The following CSF3R variants were observed in gnomAD, a reference collection of about 807,000 sequenced individuals.
The protein encoded by CSF3R is granulocyte colony-stimulating factor receptor.
Under a neutral mutation model 84.4 loss-of-function variants are expected in CSF3R, and 52 were observed. The observed-to-expected ratio is 0.62, with a 90% confidence interval of 0.49 to 0.78. The LOEUF is 0.78. Among genes scored for constraint, CSF3R ranks in the 30% least tolerant of loss-of-function variants. The pLI, the probability that CSF3R is intolerant of heterozygous loss-of-function variation, is 0.00. For missense variants in CSF3R, 890 were observed against 1,055.7 expected (o/e 0.84, Z 2.17); for synonymous variants, 384 against 429.1 (o/e 0.89, Z 1.30).
At chr1:36,476,196 A>G (rs1651139490) in intron 3 of CSF3R, 1 of 154,800 alleles carries the variant, frequency 6.5e-6, no homozygotes, top group African/African-American at 2.4e-5. Context: ...TCAATGGCAC[A>G]TTATTGCTCT....
intron 12 of CSF3R, chr1:36,468,955 C>G (rs933222779): frequency 1.5e-5 from 9 of 587,626 alleles, no homozygotes; most frequent in Non-Finnish European, 2.8e-5. Context: ...TGCCAACTCC[C>G]TACTCAATTT....
chr1:36,476,160 T>G, intron 3 of CSF3R: 1 of 156,984 alleles, frequency 6.4e-6, no homozygotes, highest in Non-Finnish European at 1.4e-5. Flanking sequence ...AATCTGATTC[T>G]GCTACCCCAT....
In CSF3R at chr1:36,475,446, AG is replaced by A; in HGVS notation, c.291del (p.Leu99SerfsTer5). 1.9e-6 allele frequency: 3 copies of A among 1,614,182 alleles called. No individual in the cohort carries two copies. In the South Asian group the frequency reaches 3.3e-5, roughly 18 times the overall value. On this transcript the variant is annotated frameshift_variant, in exon 4 of 17. Transcript: ENST00000373106. LOFTEE classifies it high-confidence loss of function. The stretch of plus-strand genomic sequence containing the variant: ...CCCCAGTTCAGGCAGCAGGAGAGAA[AG>A]GCCTGAGTGTGGTTGAGGTGGGGCA... ...ITLPHLNHTQ[A>X]FLSCCLNWGN...
chr1:36,472,806 C>G lies in CSF3R; in HGVS notation c.674-120G>C. 1 of 1,221,492 alleles carries G rather than the reference C, an allele frequency of 8.2e-7. No individual in the cohort carries two copies. Among genetic ancestry groups the G allele is most frequent in the Non-Finnish European group, 1.1e-6 (1 of 898,576 alleles). 75.7% of individuals were successfully genotyped at this position (1,221,492 alleles called of 1,614,324 possible). On this transcript the variant is annotated intron_variant, in intron 6 of 16. Coordinates refer to ENST00000373106, the MANE Select transcript of CSF3R (RefSeq NM_000760.4). The surrounding 1 kb of genome is among the most constrained non-coding windows in gnomAD (Gnocchi z 5.0). Reference sequence around the variant, plus strand: ...TGTCCACGTTGCCAATGACACGTTTCTGTGGTTCGATCTCTATGTGTCTTT... The same window carrying G: ...TGTCCACGTTGCCAATGACACGTTTGTGTGGTTCGATCTCTATGTGTCTTT...
Position 36,469,807 on chromosome 1 carries a change from C to T in CSF3R, c.1319G>A (p.Arg440Gln), listed in dbSNP as rs3918020. Reference protein sequence around the residue: ...PALTRLHAMARDPHSLWVGWE... With the variant: ...PALTRLHAMAQDPHSLWVGWE... ...GCCTACCCAGAGGCTGTGAGGGTCTCGGGCCATGGCATGGAGTCTGGTCAG... is the reference window on the plus strand; with the variant it reads ...GCCTACCCAGAGGCTGTGAGGGTCTTGGGCCATGGCATGGAGTCTGGTCAG... The change falls in exon 11 of 17, where the codon CGA becomes CAA. Residue 440 changes from arginine (R) to glutamine (Q), a missense_variant. By Grantham distance (43) the Arg-to-Gln change is conservative. Transcript: ENST00000373106. 4.7e-3 allele frequency: 7,589 copies of T among 1,614,090 alleles called. 29 individuals are homozygous for T. Among genetic ancestry groups the T allele is most frequent in the Admixed American group, 6.0e-3 (359 of 60,026 alleles).
intron 3 of CSF3R, among the ~76,000 whole-genome samples, chr1:36,478,703 A>C (rs993526639): frequency 8.6e-5 from 13 of 151,786 alleles, no homozygotes; most frequent in Non-Finnish European, 1.6e-4. Flanking sequence ...ACAACAACAA[A>C]AAAAAATTAG....
chr1:36,479,740 A>G, intron 2 of CSF3R, among the ~76,000 whole-genome samples: 1 of 152,222 alleles, frequency 6.6e-6, no homozygotes, highest in Non-Finnish European at 1.5e-5. Context: ...ATAGGAAATG[A>G]CAGTGACAGC....
chr1:36,475,598 A>T lies in CSF3R; in HGVS notation c.140T>A (p.Ile47Asn). The change falls in exon 4 of 17, where the codon ATC becomes AAC. Residue 47 changes from isoleucine (I) to asparagine (N), a missense_variant. Ile to Asn is a moderately radical substitution (Grantham distance 149). Coordinates refer to ENST00000373106, the MANE Select transcript of CSF3R (RefSeq NM_000760.4). ...HLGDPITASC[I>N]IKQNCSHLDP... ...CAGATGGCTGCAGTTCTGCTTGATG[A>T]TGCAGGAGGCTGTGATGGGATCCCC... 2 of 1,609,668 alleles carry T rather than the reference A, an allele frequency of 1.2e-6. No homozygotes were observed. Among genetic ancestry groups the T allele is most frequent in the South Asian group, 2.2e-5 (2 of 91,022 alleles).
At position 36,467,694 on chromosome 1, in the gene CSF3R, G is replaced by A. The variant is rs1392687915; in HGVS notation, c.1865-43C>T. 1 of 1,611,808 alleles carries A rather than the reference G, an allele frequency of 6.2e-7. No individual in the cohort carries two copies. Among genetic ancestry groups the A allele is most frequent in the African/African-American group, 1.3e-5 (1 of 74,866 alleles). On this transcript the variant is annotated intron_variant, in intron 14 of 16. Coordinates refer to ENST00000373106, the MANE Select transcript of CSF3R (RefSeq NM_000760.4). The surrounding 1 kb of genome is among the most constrained non-coding windows in gnomAD (Gnocchi z 4.1). ...CCGGAAGAAGTTAGAATGCATGTTG[G>A]GAAGGCTGGGTCTCCTCCCTCCGAC...
rs1650358778 is a variant in CSF3R, at chr1:36,466,893, G to A, written c.2041-66C>T. 6.2e-7 allele frequency: 1 copy of A among 1,613,994 alleles called. No homozygotes were observed. The stretch of plus-strand genomic sequence containing the variant: ...GATGTCTGCCCCAGCCACTGTCCCT[G>A]TCTGGGTCCGGGCAGCTGTGGGGAC... On this transcript the variant is annotated intron_variant, in intron 16 of 16. Coordinates refer to ENST00000373106, the MANE Select transcript of CSF3R (RefSeq NM_000760.4). The surrounding 1 kb of genome is among the most constrained non-coding windows in gnomAD (Gnocchi z 4.6).
In CSF3R at chr1:36,481,554, A is replaced by G. The variant is rs1288698209; in HGVS notation, c.-80-17T>C. ...TTTCCCCATCTGTGGGAAAGAAATA[A>G]CATTAGCACTCACTCCTCAGCGTTG... On this transcript the variant is annotated splice_polypyrimidine_tract_variant and intron_variant, in intron 1 of 16. Transcript: ENST00000373106. The G allele has an allele frequency of 6.6e-6, 1 of 152,220 alleles. No individual in the cohort carries two copies. The highest frequency in any genetic ancestry group is 2.4e-5 in the African/African-American group (1 of 41,440). 9.4% of individuals were successfully genotyped at this position (152,220 alleles called of 1,614,324 possible).
At chr1:36,478,877 A>AAAC (rs1479762190) in intron 3 of CSF3R, 1 of 199,358 alleles carries the variant, frequency 5.0e-6, no homozygotes, top group African/African-American at 2.3e-5. Context: ...ACAAACAAAC[A>AAAC]AACAAACAAG....
chr1:36,477,766 CT>C (rs1276385030), intron 3 of CSF3R: 141 of 142,938 alleles, frequency 9.9e-4, no homozygotes, highest in Middle Eastern at 3.6e-3. Context: ...CTCAGGATTT[CT>C]TTTTTTTTTT....
rs757536964 is a variant in CSF3R at position 36,472,778 on chromosome 1, A to G, written c.674-92T>C. 43 of 1,398,358 alleles carry G rather than the reference A, an allele frequency of 3.1e-5. No homozygotes were observed. The highest frequency in any genetic ancestry group is 4.0e-5 in the Non-Finnish European group (42 of 1,053,320). The allele number at this position is 1,398,358 out of a possible 1,614,324, so 86.6% of individuals were successfully genotyped here. A position where few individuals can be genotyped will look rare whatever the true frequency, so the allele number is the denominator to read the frequency against. The stretch of plus-strand genomic sequence containing the variant: ...CTTGTCTCCCTGTCTGTGGTTCACC[A>G]TCTGTCCACGTTGCCAATGACACGT... On this transcript the variant is annotated intron_variant, in intron 6 of 16. Transcript: ENST00000373106. The surrounding 1 kb of genome is among the most constrained non-coding windows in gnomAD (Gnocchi z 5.0).
chr1:36,477,790 ACT>A (rs1487719933), intron 3 of CSF3R: 2 of 147,318 alleles, frequency 1.4e-5, no homozygotes, highest in Non-Finnish European at 3.0e-5. Flanking sequence ...AGACGGAGTC[ACT>A]CTGCTGCCCA....
chr1:36,469,265 G>C lies in CSF3R; in HGVS notation c.1475-8C>G. ...GAAAGGGCCTGATGTTCTCTGTAGA[G>C]AGAAAATGGGGTAGGCACTTCTGTT... On this transcript the variant is annotated splice_polypyrimidine_tract_variant and splice_region_variant and intron_variant, in intron 11 of 16. Transcript: ENST00000373106. 1 of 1,607,636 alleles carries C rather than the reference G, an allele frequency of 6.2e-7. No homozygotes were observed. Among genetic ancestry groups the C allele is most frequent in the Non-Finnish European group, 8.5e-7 (1 of 1,174,062 alleles).
chr1:36,468,409 G>T, intron 12 of CSF3R, 188 bp from the exon 13 acceptor site: 1 of 560,940 alleles, frequency 1.8e-6, no homozygotes, highest in Non-Finnish European at 3.0e-6. Context: ...GTCTGAGCCA[G>T]GATTTGAACC....
intron 2 of CSF3R, chr1:36,480,001 GGGGCTCTA>G: frequency 3.8e-6 from 1 of 265,484 alleles, no homozygotes; most frequent in Non-Finnish European, 7.4e-6. Context: ...ATGGACAACT[GGGGCTCTA>G]TCCTGCTGGA....
At position 36,468,083 on chromosome 1, in the gene CSF3R, T is replaced by C; in HGVS notation, c.1715A>G (p.Gln572Arg). Reference sequence around the variant, plus strand: ...ACTGAGGATAGACTCACAGAAGGACTGGTTCTGAGCGTTGGTCCAGAAGAT... The same window carrying C: ...ACTGAGGATAGACTCACAGAAGGACCGGTTCTGAGCGTTGGTCCAGAAGAT... ...YTIFWTNAQN[Q>R]SFSAILNASS... The change falls in exon 13 of 17, where the codon CAG (glutamine) becomes CGG (arginine). Residue 572 changes from glutamine to arginine, a missense_variant. Gln to Arg is a conservative substitution (Grantham distance 43, BLOSUM62 1). Transcript: ENST00000373106. The C allele has an allele frequency of 6.2e-7, 1 of 1,614,246 alleles. No individual in the cohort carries two copies. Among genetic ancestry groups the C allele is most frequent in the Non-Finnish European group, 8.5e-7 (1 of 1,180,044 alleles).
Sources: allele counts gnomAD v4.1 joint callset (sites outside exome capture counted in the v4.1 genomes callset), GRCh38; gene constraint gnomAD v4.1.1; non-coding constraint Gnocchi (gnomAD v3.1); transcripts MANE v1.5; gene names NCBI Gene and HGNC (gene_info 2026-07-23, HGNC 2026-07-21).